CPQ: variants seen among roughly 807,000 people sequenced by gnomAD.
CPQ encodes Ser-Met dipeptidase.
Under a neutral mutation model 45.7 loss-of-function variants are expected in CPQ, and 37 were observed. The ratio of observed to expected loss-of-function variants is 0.81; its 90% CI spans 0.62 to 1.07. The LOEUF is 1.07. Among genes scored for constraint, CPQ ranks in the 50% least tolerant of loss-of-function variants. The pLI, the probability that CPQ is intolerant of heterozygous loss-of-function variation, is 0.00. For synonymous variants in CPQ, 186 were observed against 205.8 expected (o/e 0.90, Z 0.82); for missense variants, 537 against 572.9 (o/e 0.94, Z 0.64).
At chr8:97,050,545 A>G (rs1268653690) in intron 6 of CPQ, among the ~76,000 whole-genome samples, 3 of 152,170 alleles carry the variant, frequency 2.0e-5, no homozygotes, top group African/African-American at 7.2e-5. Flanking sequence ...TGAATTTTAT[A>G]CTGGCAGAAA....
chr8:96,688,292 A>G (rs967594446), intron 1 of CPQ, among the ~76,000 whole-genome samples: 9 of 152,072 alleles, frequency 5.9e-5, no homozygotes, highest in African/African-American at 1.9e-4. Context: ...GCCTGTTGTA[A>G]TCTTTGCCTT....
chr8:97,063,707 C>T (rs1180209577), intron 6 of CPQ, among the ~76,000 whole-genome samples: 1 of 151,948 alleles, frequency 6.6e-6, no homozygotes, highest in East Asian at 1.9e-4. Flanking sequence ...TCCCATCATC[C>T]TTTATTAAAT....
chr8:96,985,985 C>T (rs1586480912), intron 5 of CPQ, among the ~76,000 whole-genome samples: 1 of 152,154 alleles, frequency 6.6e-6, no homozygotes, highest in African/African-American at 2.4e-5. Context: ...GAGTCCCTTT[C>T]GTGATCATAG....
At chr8:96,918,005 G>A (rs1812754671) in intron 4 of CPQ, among the ~76,000 whole-genome samples, 2 of 152,112 alleles carry the variant, frequency 1.3e-5, no homozygotes, top group South Asian at 4.1e-4. Flanking sequence ...TGTACTCTTA[G>A]TGTACCTTAT....
chr8:96,963,932 T>G (rs974509774), intron 4 of CPQ, among the ~76,000 whole-genome samples: 31 of 152,162 alleles, frequency 2.0e-4, no homozygotes, highest in Non-Finnish European at 1.5e-5. Flanking sequence ...TGTATCTGGC[T>G]TCTTTCATTC....
chr8:96,831,356 A>G (rs1366463026), intron 2 of CPQ, among the ~76,000 whole-genome samples: 1 of 152,174 alleles, frequency 6.6e-6, no homozygotes, highest in Non-Finnish European at 1.5e-5. Flanking sequence ...TAAACAAGCT[A>G]AGAGGTACAG....
chr8:96,930,046 G>A (rs998649092), intron 4 of CPQ, among the ~76,000 whole-genome samples: 15 of 152,132 alleles, frequency 9.9e-5, no homozygotes, highest in Admixed American at 8.5e-4. Flanking sequence ...AGATTAAGAG[G>A]GAGATATAGG....
chr8:96,931,139 T>C (rs756199327), intron 4 of CPQ, among the ~76,000 whole-genome samples: 3 of 152,210 alleles, frequency 2.0e-5, no homozygotes, highest in Non-Finnish European at 4.4e-5. Context: ...GCAAAGATCA[T>C]GCTATTAGGT....
At chr8:96,909,069 T>C (rs1203529033) in intron 4 of CPQ, among the ~76,000 whole-genome samples, 1 of 152,176 alleles carries the variant, frequency 6.6e-6, no homozygotes, top group Non-Finnish European at 1.5e-5. Context: ...CTGTTTTGTA[T>C]CCAGCAATGA....
At chr8:96,782,769 A>C (rs1014287819) in intron 1 of CPQ, among the ~76,000 whole-genome samples, 4 of 152,190 alleles carry the variant, frequency 2.6e-5, no homozygotes, top group African/African-American at 9.6e-5. Context: ...AAAAGAAGCC[A>C]CACAGCTCCT....
At chr8:96,732,287 G>A (rs997852237) in intron 1 of CPQ, 3 of 152,024 alleles carry the variant, frequency 2.0e-5, no homozygotes, top group African/African-American at 4.8e-5. Context: ...CAACCTCTAC[G>A]GAATGAAAAA....
At chr8:97,008,640 C>T (rs923387284) in intron 5 of CPQ, among the ~76,000 whole-genome samples, 8 of 152,130 alleles carry the variant, frequency 5.3e-5, no homozygotes, top group Non-Finnish European at 7.4e-5. Context: ...GCTTTGCTAT[C>T]AGGAGAACCT....
intron 2 of CPQ, among the ~76,000 whole-genome samples, chr8:96,819,124 C>T (rs1389579969): frequency 6.6e-6 from 1 of 151,946 alleles, no homozygotes; most frequent in East Asian, 1.9e-4. Context: ...TGAAGGTCCT[C>T]CTGCCTAGAA....
chr8:97,058,783 G>A (rs1424157400), intron 6 of CPQ, among the ~76,000 whole-genome samples: 1 of 152,122 alleles, frequency 6.6e-6, no homozygotes, highest in Non-Finnish European at 1.5e-5. Flanking sequence ...TTAATTGTGA[G>A]CTCTTGAGTC....
At chr8:96,999,138 G>C (rs1809225560) in intron 5 of CPQ, among the ~76,000 whole-genome samples, 1 of 151,872 alleles carries the variant, frequency 6.6e-6, no homozygotes, top group African/African-American at 2.4e-5. Context: ...CCAAGATCAT[G>C]TGGCTTTAGC....
chr8:96,824,717 G>C (rs1316988636), intron 2 of CPQ, among the ~76,000 whole-genome samples: 8 of 151,940 alleles, frequency 5.3e-5, no homozygotes, highest in Non-Finnish European at 1.2e-4. Context: ...TAAGTTTCTG[G>C]TGTGGATTAA....
At chr8:97,104,036 T>C (rs6989478) in intron 7 of CPQ, among the ~76,000 whole-genome samples, 6,728 of 152,214 alleles carry the variant, frequency 0.044, 503 homozygotes, top group African/African-American at 0.15. Flanking sequence ...AGGATGATAG[T>C]ACTCAGCTTG....
At chr8:97,105,165 T>C (rs1161213775) in intron 7 of CPQ, among the ~76,000 whole-genome samples, 1 of 152,206 alleles carries the variant, frequency 6.6e-6, no homozygotes, top group African/African-American at 2.4e-5. Context: ...GGTCACGTGG[T>C]ATCACACAGC....
At chr8:96,705,389 A>G (rs1809519399) in intron 1 of CPQ, among the ~76,000 whole-genome samples, 1 of 152,196 alleles carries the variant, frequency 6.6e-6, no homozygotes, top group Admixed American at 6.5e-5. Flanking sequence ...CTTAGGAAAG[A>G]TGAGCAAGAG....
Sources: gnomAD v4.1 joint callset for allele counts (sites outside exome capture counted in the v4.1 genomes callset) on GRCh38, gnomAD v4.1.1 for gene constraint, MANE v1.5 for transcripts, NCBI Gene and HGNC (gene_info 2026-07-23, HGNC 2026-07-21) for gene names.